Variants in CTNNA3 observed in about 807,000 individuals in gnomAD.
CTNNA3 encodes catenin alpha 3, also known as catenin alpha-3.
Under a neutral mutation model 95.7 loss-of-function variants are expected in CTNNA3, and 76 were observed. The ratio of observed to expected loss-of-function variants is 0.79; its 90% CI spans 0.66 to 0.96. The LOEUF is 0.96. Among genes scored for constraint, CTNNA3 ranks in the 40% least tolerant of loss-of-function variants. CTNNA3 has a pLI of 0.00. For synonymous variants in CTNNA3, 431 were observed against 374.4 expected (o/e 1.15, Z -1.74); for missense variants, 1,191 against 1,089.8 (o/e 1.09, Z -1.31).
At chr10:66,480,207 C>T (rs12256469) in intron 11 of CTNNA3, among the ~76,000 whole-genome samples, 9,417 of 152,124 alleles carry the variant, frequency 0.062, 611 homozygotes, top group African/African-American at 0.16. Context: ...TTCTATAGCT[C>T]ATTTAGCTAT....
At chr10:66,516,064 G>GTAAAAAA in intron 11 of CTNNA3, among the ~76,000 whole-genome samples, 2 of 141,242 alleles carry the variant, frequency 1.4e-5, no homozygotes, top group East Asian at 4.3e-4. Flanking sequence ...TAATTATCTG[G>GTAAAAAA]AAAAAAAAAA....
chr10:67,506,105 T>C (rs184700570), intron 5 of CTNNA3, among the ~76,000 whole-genome samples: 12 of 152,312 alleles, frequency 7.9e-5, no homozygotes, highest in Admixed American at 5.2e-4. Flanking sequence ...ATTTACATTG[T>C]AAAAATTTAA....
intron 7 of CTNNA3, 77 bp downstream of exon 7, chr10:67,180,240 T>A: frequency 1.7e-6 from 2 of 1,197,982 alleles, no homozygotes; most frequent in South Asian, 2.4e-5. Context: ...CTATTTTGTA[T>A]ACGGAAAGTA....
At chr10:66,047,344 T>C (rs1191074140) in intron 15 of CTNNA3, among the ~76,000 whole-genome samples, 4 of 152,194 alleles carry the variant, frequency 2.6e-5, no homozygotes, top group Non-Finnish European at 5.9e-5. Flanking sequence ...TCAATAAATG[T>C]GATTCATCAC....
intron 1 of CTNNA3, among the ~76,000 whole-genome samples, chr10:67,674,069 G>A (rs546567349): frequency 2.0e-5 from 3 of 151,866 alleles, no homozygotes; most frequent in African/African-American, 7.2e-5. Flanking sequence ...TATACATTCT[G>A]TTATGGGCTA....
intron 11 of CTNNA3, among the ~76,000 whole-genome samples, chr10:66,489,076 G>C (rs1176665763): frequency 6.6e-6 from 1 of 152,076 alleles, no homozygotes; most frequent in East Asian, 1.9e-4. Context: ...GAAGACAGAC[G>C]TAGTGAATCA....
chr10:67,015,818 T>A (rs1198868582), intron 7 of CTNNA3, among the ~76,000 whole-genome samples: 1 of 152,166 alleles, frequency 6.6e-6, no homozygotes, highest in Non-Finnish European at 1.5e-5. Flanking sequence ...CGTATCTTTC[T>A]TCATTATAAA....
chr10:67,461,760 T>A (rs1459028170), intron 5 of CTNNA3, among the ~76,000 whole-genome samples: 3 of 152,218 alleles, frequency 2.0e-5, no homozygotes, highest in Non-Finnish European at 4.4e-5. Flanking sequence ...TAATCTAATA[T>A]TTATATCATT....
At chr10:66,705,766 G>T (rs1364169027) in intron 9 of CTNNA3, among the ~76,000 whole-genome samples, 3 of 151,796 alleles carry the variant, frequency 2.0e-5, no homozygotes, top group Non-Finnish European at 2.9e-5. Context: ...TAAGAATACT[G>T]GTTGTACTAA....
chr10:67,535,812 G>A (rs1470035363), intron 4 of CTNNA3, among the ~76,000 whole-genome samples: 4 of 118,742 alleles, frequency 3.4e-5, no homozygotes, highest in African/African-American at 1.9e-4. Flanking sequence ...TCTGCTGAAG[G>A]AAACGAAGGT....
chr10:66,899,275 C>T (rs867069116), intron 7 of CTNNA3, among the ~76,000 whole-genome samples: 1 of 152,282 alleles, frequency 6.6e-6, no homozygotes. Flanking sequence ...TGTAAAATGA[C>T]ACAGCTTTTG....
At chr10:66,672,043 C>G (rs1846679229) in intron 9 of CTNNA3, among the ~76,000 whole-genome samples, 1 of 152,078 alleles carries the variant, frequency 6.6e-6, no homozygotes, top group South Asian at 2.1e-4. Flanking sequence ...GATATAGAGG[C>G]AAACAGCCTT....
chr10:66,134,340 G>C (rs2083255989), intron 13 of CTNNA3, among the ~76,000 whole-genome samples: 1 of 152,044 alleles, frequency 6.6e-6, no homozygotes, highest in Non-Finnish European at 1.5e-5. Flanking sequence ...GATTGTAACA[G>C]TTATTTTTTC....
chr10:67,632,827 G>A (rs904302761), intron 2 of CTNNA3, among the ~76,000 whole-genome samples: 2 of 152,048 alleles, frequency 1.3e-5, no homozygotes, highest in African/African-American at 4.8e-5. Flanking sequence ...CTGGCAAGAC[G>A]AGAGATCTGT....
At chr10:66,878,928 T>C (rs1844737116) in intron 7 of CTNNA3, among the ~76,000 whole-genome samples, 1 of 152,216 alleles carries the variant, frequency 6.6e-6, no homozygotes, top group Admixed American at 6.5e-5. Flanking sequence ...GTGATATTTA[T>C]ATTTTCTTAA....
intron 10 of CTNNA3, among the ~76,000 whole-genome samples, chr10:66,559,029 A>C (rs1164714318): frequency 6.6e-6 from 1 of 152,152 alleles, no homozygotes; most frequent in Non-Finnish European, 1.5e-5. Flanking sequence ...CTATGTGAGC[A>C]AAACTAAGGA....
intron 9 of CTNNA3, among the ~76,000 whole-genome samples, chr10:66,708,404 T>C (rs190116875): frequency 6.6e-6 from 1 of 152,034 alleles, no homozygotes; most frequent in Non-Finnish European, 1.5e-5. Flanking sequence ...GCCTTTCCTC[T>C]GAACTAACAC....
chr10:66,490,639 C>A (rs1292702782), intron 11 of CTNNA3, among the ~76,000 whole-genome samples: 1 of 152,144 alleles, frequency 6.6e-6, no homozygotes, highest in African/African-American at 2.4e-5. Context: ...TAGGGCAGTT[C>A]TCAAATGTGT....
chr10:66,314,747 C>T (rs1170639661), intron 12 of CTNNA3, among the ~76,000 whole-genome samples: 2 of 152,120 alleles, frequency 1.3e-5, no homozygotes, highest in East Asian at 3.9e-4. Flanking sequence ...ATTTAGTGTT[C>T]AAACTGTCTT....
Sources: allele counts gnomAD v4.1 joint callset (sites outside exome capture counted in the v4.1 genomes callset), GRCh38; gene constraint gnomAD v4.1.1; transcripts MANE v1.5; gene names NCBI Gene and HGNC (gene_info 2026-07-23, HGNC 2026-07-21).